DPY19L2: variants seen among roughly 807,000 people sequenced by gnomAD.
DPY19L2 encodes the protein dpy-19 like 2.
A neutral mutation model predicts 97.9 loss-of-function variants in DPY19L2; 34 were observed. The observed-to-expected ratio is 0.35, with a 90% CI of 0.26 to 0.46. The LOEUF (loss-of-function observed/expected upper bound fraction) is 0.46. Among genes scored for constraint, DPY19L2 ranks in the 20% least tolerant of loss-of-function variants. The pLI is 1.00. For missense variants in DPY19L2, 623 were observed against 911.4 expected (o/e 0.68, Z 4.07); for synonymous variants, 230 against 307.9 (o/e 0.75, Z 2.65).
intron 21 of DPY19L2, among the ~76,000 whole-genome samples, chr12:63,564,036 G>A (rs190893688): frequency 1.7e-4 from 26 of 152,240 alleles, no homozygotes; most frequent in African/African-American, 6.3e-4. Context: ...GTGGAATAAA[G>A]TTGTTCCCAA....
intron 8 of DPY19L2, chr12:63,623,796 C>T: frequency 5.8e-6 from 2 of 347,636 alleles, no homozygotes; most frequent in South Asian, 5.4e-5. Flanking sequence ...CCTCCACCTC[C>T]TGGGTTCAAG....
At chr12:63,640,256 C>T (rs1222885451) in intron 6 of DPY19L2, among the ~76,000 whole-genome samples, 1 of 151,988 alleles carries the variant, frequency 6.6e-6, no homozygotes, top group African/African-American at 2.4e-5. Context: ...ATGTAAATGA[C>T]GAGTTATTGG....
rs1271731853 is a variant in DPY19L2, at chr12:63,583,833, T to C, written c.1584A>G (p.Lys528=). ...TTACCTCACTGTGTTCAAGGAGCTGTTTTCTAGAATAAAACAAAAATATTA... is the reference window on the plus strand; with the variant it reads ...TTACCTCACTGTGTTCAAGGAGCTGCTTTCTAGAATAAAACAAAAATATTA... The part of the protein sequence containing the change: ...YVLATNIYLR[K]QLLEHSELAF... Residue 528 remains lysine (K), a synonymous_variant, in exon 17 of 22, where the codon AAA becomes AAG. Transcript: ENST00000324472. The C allele has an allele frequency of 1.2e-6, 2 of 1,610,526 alleles. No individual in the cohort carries two copies. Among genetic ancestry groups the C allele is most frequent in the Non-Finnish European group, 1.7e-6 (2 of 1,177,630 alleles).
intron 6 of DPY19L2, among the ~76,000 whole-genome samples, chr12:63,640,608 C>T (rs918033036): frequency 2.0e-5 from 3 of 152,062 alleles, no homozygotes; most frequent in African/African-American, 7.2e-5. Context: ...CCTCAAATGC[C>T]AGTTTCCAAT....
chr12:63,660,469 C>T (rs1048246410), intron 4 of DPY19L2, among the ~76,000 whole-genome samples: 2 of 151,804 alleles, frequency 1.3e-5, no homozygotes, highest in Non-Finnish European at 2.9e-5. Context: ...GATGGATACA[C>T]ACATCAAATT....
chr12:63,662,172 A>C (rs1895762575), intron 3 of DPY19L2, among the ~76,000 whole-genome samples: 1 of 152,206 alleles, frequency 6.6e-6, no homozygotes, highest in Admixed American at 6.5e-5. Flanking sequence ...TATTGTGTCT[A>C]GTTTCCCCAA....
intron 19 of DPY19L2, among the ~76,000 whole-genome samples, chr12:63,574,165 A>T (rs548009353): frequency 1.5e-4 from 23 of 152,072 alleles, no homozygotes; most frequent in Non-Finnish European, 2.8e-4. Flanking sequence ...GAAAAAGGTA[A>T]AAAGTGGGGA....
At chr12:63,563,686 CAT>C (rs1462264474) in intron 21 of DPY19L2, among the ~76,000 whole-genome samples, 5 of 152,122 alleles carry the variant, frequency 3.3e-5, no homozygotes, top group African/African-American at 9.7e-5. Context: ...AAAAATTTCA[CAT>C]ATGTGTTCAT....
chr12:63,619,889 C>T, intron 9 of DPY19L2: 1 of 435,700 alleles, frequency 2.3e-6, no homozygotes. Flanking sequence ...ATCTATTCTA[C>T]TCTGTTGGCA....
intron 15 of DPY19L2, among the ~76,000 whole-genome samples, chr12:63,595,750 A>G (rs147131692): frequency 0.016 from 2,489 of 152,248 alleles, 78 homozygotes; most frequent in African/African-American, 0.056. Flanking sequence ...CTTGATACAC[A>G]GTTGGTGACT....
intron 4 of DPY19L2, among the ~76,000 whole-genome samples, chr12:63,658,207 T>C (rs183449851): frequency 6.6e-6 from 1 of 152,180 alleles, no homozygotes; most frequent in East Asian, 1.9e-4. Context: ...ACAAATATTT[T>C]CTCCTGGCCA....
chr12:63,577,462 T>A (rs921431303), intron 19 of DPY19L2, among the ~76,000 whole-genome samples: 1 of 152,096 alleles, frequency 6.6e-6, no homozygotes, highest in African/African-American at 2.4e-5. Flanking sequence ...TAAAAGCTTC[T>A]GCACAGCAAA....
chr12:63,588,840 G>A (rs1363457679), intron 16 of DPY19L2, among the ~76,000 whole-genome samples: 12 of 144,960 alleles, frequency 8.3e-5, no homozygotes, highest in Admixed American at 2.9e-4. Context: ...TGAAACCTCC[G>A]CCTCCCGGGT....
At chr12:63,587,775 G>A (rs1458017397) in intron 16 of DPY19L2, among the ~76,000 whole-genome samples, 1 of 151,970 alleles carries the variant, frequency 6.6e-6, no homozygotes, top group African/African-American at 2.4e-5. Context: ...GTTTCACCGT[G>A]TTGGCCAGGA....
rs772219867 is a variant in DPY19L2, at chr12:63,626,449, T to C, written c.861+20A>G. 30 of 1,563,242 alleles carry C rather than the reference T, an allele frequency of 1.9e-5. No homozygotes were observed. The East Asian group carries it at 5.7e-4, about 30-fold the overall frequency. On this transcript the variant is annotated intron_variant, in intron 7 of 21. Coordinates refer to ENST00000324472, the MANE Select transcript of DPY19L2 (RefSeq NM_173812.5). ...TACAGCCTCTTCTATTTCTTAAAAA[T>C]TGCTTTCTAGAAAACAAACCTCTCC...
intron 7 of DPY19L2, 106 bp from the exon 8 acceptor site, chr12:63,624,237 T>A (rs1389996105): frequency 5.1e-6 from 4 of 789,306 alleles, no homozygotes; most frequent in Non-Finnish European, 8.6e-6. Flanking sequence ...GCTCACTAGA[T>A]CCCATTTCTG....
At chr12:63,570,260 C>T (rs1399886764) in intron 20 of DPY19L2, among the ~76,000 whole-genome samples, 2 of 152,168 alleles carry the variant, frequency 1.3e-5, no homozygotes, top group Non-Finnish European at 2.9e-5. Flanking sequence ...TAAAAATACT[C>T]TAAATTTTCA....
Position 63,628,970 on chromosome 12 carries a change from C to A in DPY19L2, c.804-2444G>T, listed in dbSNP as rs11834445. 5.9e-5 allele frequency among the ~76,000 whole-genome samples: 9 copies of A among 151,794 alleles called. No individual in the cohort carries two copies. In the South Asian group the frequency reaches 1.9e-3, roughly 32 times the overall value. On this transcript the variant is annotated intron_variant, in intron 6 of 21. Transcript: ENST00000324472. Reference sequence around the variant, plus strand: ...CACGCAAACAGGGTCTGGAGTGGACCTCCAGCAAACTCCAACAGACCTGCA... The same window carrying A: ...CACGCAAACAGGGTCTGGAGTGGACATCCAGCAAACTCCAACAGACCTGCA...
chr12:63,582,559 T>C (rs762927038), intron 17 of DPY19L2, 34 bp from the exon 18 acceptor site: 2 of 1,588,252 alleles, frequency 1.3e-6, no homozygotes, highest in East Asian at 4.5e-5. Flanking sequence ...ATCACATTTT[T>C]ACTTTTCATA....
Sources: allele counts gnomAD v4.1 joint callset (sites outside exome capture counted in the v4.1 genomes callset), GRCh38; gene constraint gnomAD v4.1.1; transcripts MANE v1.5; gene names NCBI Gene and HGNC (gene_info 2026-07-23, HGNC 2026-07-21).